Variants in SLCO3A1 observed in about 807,000 individuals in gnomAD.
SLCO3A1 encodes the protein solute carrier organic anion transporter family member 3A1.
Under a neutral mutation model 63.1 loss-of-function variants are expected in SLCO3A1, and 27 were observed. The ratio of observed to expected loss-of-function variants is 0.43; its 90% CI spans 0.32 to 0.59. The LOEUF is 0.59. SLCO3A1 is among the 20% of genes least tolerant of loss of function. SLCO3A1 has a pLI of 0.09. For missense variants in SLCO3A1, 773 were observed against 945.8 expected (o/e 0.82, Z 2.40); for synonymous variants, 473 against 409.9 (o/e 1.15, Z -1.86).
chr15:91,972,837 G>C (rs1302092295), intron 2 of SLCO3A1, among the ~76,000 whole-genome samples: 1 of 152,174 alleles, frequency 6.6e-6, no homozygotes, highest in Non-Finnish European at 1.5e-5. Context: ...AAAGGACAGT[G>C]GGGCCGGGCA....
rs1441303664 is a variant in SLCO3A1 at position 91,950,919 on chromosome 15, A to G, written c.646+34461A>G. Among the ~76,000 whole-genome samples the G allele has an allele frequency of 1.3e-5, 2 of 152,188 alleles. No individual in the cohort carries two copies. The highest frequency in any genetic ancestry group is 2.9e-5 in the Non-Finnish European group (2 of 68,032). Reference sequence around the variant, plus strand: ...CAATCTGAGAAAGAAAGAAAAAAAAAAAAGTATTTCTCTGGCTTTCACTTC... The same window carrying G: ...CAATCTGAGAAAGAAAGAAAAAAAAGAAAGTATTTCTCTGGCTTTCACTTC... On this transcript the variant is annotated intron_variant, in intron 2 of 9. Transcript: ENST00000318445. The surrounding 1 kb of genome is among the most constrained non-coding windows in gnomAD (Gnocchi z 4.4).
At chr15:92,158,895 T>C (rs910593684) in intron 9 of SLCO3A1, among the ~76,000 whole-genome samples, 2 of 152,210 alleles carry the variant, frequency 1.3e-5, no homozygotes, top group African/African-American at 4.8e-5. Flanking sequence ...AGAAAGCCAA[T>C]ATTTTCACTA....
intron 7 of SLCO3A1, among the ~76,000 whole-genome samples, chr15:92,130,247 G>A (rs2047976284): frequency 1.3e-5 from 2 of 152,244 alleles, no homozygotes; most frequent in Admixed American, 1.3e-4. Context: ...ATCTGTGGCT[G>A]CATCCCACTG....
chr15:92,059,344 G>T (rs949459734), intron 2 of SLCO3A1, among the ~76,000 whole-genome samples: 2 of 152,182 alleles, frequency 1.3e-5, no homozygotes, highest in African/African-American at 4.8e-5. Context: ...CAGGCAGGGG[G>T]CTGGGTTCCA....
rs1900736908 is a variant in SLCO3A1 at position 91,968,417 on chromosome 15, C to A, written c.646+51959C>A. ...CACAGAGAGTGAGTCATAGAGTGGC[C>A]CTCTAGAATCCTCCAGCCTGTGCTT... On this transcript the variant is annotated intron_variant, in intron 2 of 9. Coordinates refer to ENST00000318445, the MANE Select transcript of SLCO3A1 (RefSeq NM_013272.4). This position sits in a 1 kb window ranked among gnomAD's most constrained non-coding sequence, Gnocchi z 4.2. Among the ~76,000 whole-genome samples the A allele has an allele frequency of 6.6e-6, 1 of 151,862 alleles. No homozygotes were observed. The highest frequency in any genetic ancestry group is 1.5e-5 in the Non-Finnish European group (1 of 68,004).
At chr15:91,971,817 CGT>C (rs879329860) in intron 2 of SLCO3A1, among the ~76,000 whole-genome samples, 4 of 80,736 alleles carry the variant, frequency 5.0e-5, no homozygotes, top group Admixed American at 2.4e-4. Context: ...GCAGTGGCTC[CGT>C]ATTCAGCAGT....
chr15:91,957,775 G>C (rs942437810), intron 2 of SLCO3A1, among the ~76,000 whole-genome samples: 1 of 152,166 alleles, frequency 6.6e-6, no homozygotes, highest in African/African-American at 2.4e-5. Context: ...CCCACCAGAT[G>C]TAGTATTAAT....
chr15:92,093,476 A>G (rs987987454), intron 2 of SLCO3A1, among the ~76,000 whole-genome samples: 5 of 152,250 alleles, frequency 3.3e-5, no homozygotes, highest in Middle Eastern at 3.4e-3. Flanking sequence ...CCCACCTCCA[A>G]TATTATGGAT....
At chr15:91,889,989 A>T (rs1057094761) in intron 1 of SLCO3A1, among the ~76,000 whole-genome samples, 5 of 152,236 alleles carry the variant, frequency 3.3e-5, no homozygotes, top group African/African-American at 1.2e-4. Context: ...ATTTGTTTAC[A>T]TGTCCAATAT....
At chr15:91,930,650 C>T (rs7165108) in intron 2 of SLCO3A1, among the ~76,000 whole-genome samples, 15,004 of 152,190 alleles carry the variant, frequency 0.099, 862 homozygotes, top group African/African-American at 0.13. Context: ...TGTCAGTCCC[C>T]GTACAAGGTG....
chr15:92,072,016 C>T (rs17644691), intron 2 of SLCO3A1, among the ~76,000 whole-genome samples: 19,233 of 152,196 alleles, frequency 0.13, 1,386 homozygotes, highest in East Asian at 0.25. Flanking sequence ...TTCCCTATGA[C>T]GCACTTTGTG....
Position 92,165,831 on chromosome 15 carries a change from A to AAGAT in SLCO3A1, c.*2697_*2700dup. 10 of 985,360 alleles carry AAGAT rather than the reference A, an allele frequency of 1.0e-5. No homozygotes were observed. The highest frequency in any genetic ancestry group is 1.1e-5 in the Non-Finnish European group (9 of 829,850). 61.0% of individuals were successfully genotyped at this position (985,360 alleles called of 1,614,324 possible). A position where few individuals can be genotyped will look rare whatever the true frequency, so the allele number is the denominator to read the frequency against. On this transcript the variant is annotated 3_prime_UTR_variant, in exon 10 of 10. Transcript: ENST00000318445. ...ATCTGTTTGGTTTCAAGTGAATGAA[A>AAGAT]AGATTTCCTGGTAAGATCATTGGAT...
At chr15:91,919,919 A>T (rs946538832) in intron 2 of SLCO3A1, among the ~76,000 whole-genome samples, 3 of 152,226 alleles carry the variant, frequency 2.0e-5, no homozygotes, top group African/African-American at 7.2e-5. Context: ...ACACAATTCT[A>T]TTCTCTCTTC....
intron 2 of SLCO3A1, among the ~76,000 whole-genome samples, chr15:91,936,482 G>A (rs1597136862): frequency 2.0e-5 from 3 of 152,302 alleles, no homozygotes; most frequent in East Asian, 3.9e-4. Flanking sequence ...CATTCCTGTC[G>A]CTGCAGAAAT....
At chr15:92,162,546 G>T in intron 9 of SLCO3A1, 2 of 685,802 alleles carry the variant, frequency 2.9e-6, no homozygotes, top group Non-Finnish European at 4.6e-6. Flanking sequence ...ACTAAGGCAG[G>T]AGGGCTTAAA....
intron 2 of SLCO3A1, among the ~76,000 whole-genome samples, chr15:92,007,508 G>A (rs1232752903): frequency 6.6e-6 from 1 of 152,216 alleles, no homozygotes; most frequent in Non-Finnish European, 1.5e-5. Context: ...TCACTGAATA[G>A]GGATAGTGTG....
At chr15:92,023,352 T>C (rs1392736405) in intron 2 of SLCO3A1, among the ~76,000 whole-genome samples, 2 of 152,220 alleles carry the variant, frequency 1.3e-5, no homozygotes, top group Non-Finnish European at 2.9e-5. Flanking sequence ...TTCAAGACTA[T>C]GGGATTGAAA....
chr15:92,124,954 A>G (rs992377199), intron 5 of SLCO3A1, among the ~76,000 whole-genome samples: 1 of 152,170 alleles, frequency 6.6e-6, no homozygotes, highest in African/African-American at 2.4e-5. Flanking sequence ...GAGGATAAAG[A>G]GGCACCCAGG....
intron 2 of SLCO3A1, among the ~76,000 whole-genome samples, chr15:91,929,002 GA>G (rs2151388980): frequency 1.3e-5 from 2 of 152,266 alleles, no homozygotes; most frequent in South Asian, 4.1e-4. Context: ...CGCCAGCGGG[GA>G]CAAAAATGGT....
Sources: gnomAD v4.1 joint callset for allele counts (sites outside exome capture counted in the v4.1 genomes callset) on GRCh38, gnomAD v4.1.1 for gene constraint, Gnocchi (gnomAD v3.1) non-coding constraint, MANE v1.5 for transcripts, NCBI Gene and HGNC (gene_info 2026-07-23, HGNC 2026-07-21) for gene names.